The following KCNT2 variants were observed in gnomAD, a reference collection of about 807,000 sequenced individuals.
KCNT2 encodes potassium sodium-activated channel subfamily T member 2.
In KCNT2, 67 loss-of-function variants were observed where a neutral mutation model predicts 153.8. The ratio of observed to expected loss-of-function variants is 0.44; its 90% confidence interval spans 0.36 to 0.53. The LOEUF is 0.53. KCNT2 is among the 20% of genes least tolerant of loss of function. KCNT2 has a pLI of 0.00. For missense variants in KCNT2, 975 were observed against 1,354.8 expected (o/e 0.72, Z 4.40); for synonymous variants, 500 against 458.8 (o/e 1.09, Z -1.15).
intron 12 of KCNT2, among the ~76,000 whole-genome samples, chr1:196,408,889 T>G (rs1250025224): frequency 6.6e-6 from 1 of 151,594 alleles, no homozygotes; most frequent in Non-Finnish European, 1.5e-5. Context: ...AAGCTGGTGA[T>G]AGTGTGTTCA....
intron 25 of KCNT2, among the ~76,000 whole-genome samples, chr1:196,265,374 T>C (rs2147806837): frequency 6.6e-6 from 1 of 152,328 alleles, no homozygotes; most frequent in Non-Finnish European, 1.5e-5. Context: ...TTAAATGAAC[T>C]TAATGCCTGG....
chr1:196,558,701 G>C (rs1320499561), intron 1 of KCNT2, among the ~76,000 whole-genome samples: 1 of 151,444 alleles, frequency 6.6e-6, no homozygotes, highest in Non-Finnish European at 1.5e-5. Flanking sequence ...GTGTTTTCCT[G>C]AAGGGATTCT....
intron 13 of KCNT2, among the ~76,000 whole-genome samples, chr1:196,373,455 G>A (rs1210698543): frequency 6.6e-6 from 1 of 151,816 alleles, no homozygotes; most frequent in Admixed American, 6.6e-5. Flanking sequence ...TGGCTTGGGG[G>A]TCACTCCTGT....
At chr1:196,327,705 C>T (rs1209904444) in intron 18 of KCNT2, among the ~76,000 whole-genome samples, 3 of 148,776 alleles carry the variant, frequency 2.0e-5, no homozygotes, top group Non-Finnish European at 4.4e-5. Flanking sequence ...TCACTCCTGC[C>T]GCCCAGGCTG....
rs560374978 is a variant in KCNT2 at position 196,515,451 on chromosome 1, A to G, written c.96-23110T>C. The stretch of plus-strand genomic sequence containing the variant: ...ATATGCATATTTCATTTGTACTTTC[A>G]TAAAAATTAGCAAGCATTGACTTAA... On this transcript the variant is annotated intron_variant, in intron 1 of 27. Transcript: ENST00000294725. Among the ~76,000 whole-genome samples the G allele has an allele frequency of 4.3e-5, 6 of 139,100 alleles. No individual in the cohort carries two copies. In the East Asian group the frequency reaches 9.6e-4, roughly 22 times the overall value. The allele number at this position is 139,100 out of a possible 152,430, so 91.3% of individuals were successfully genotyped here. A position where few individuals can be genotyped will look rare whatever the true frequency, so the allele number is the denominator to read the frequency against.
intron 13 of KCNT2, among the ~76,000 whole-genome samples, chr1:196,375,275 T>C (rs1668861354): frequency 6.6e-6 from 1 of 151,780 alleles, no homozygotes; most frequent in Admixed American, 6.6e-5. Context: ...CATGTGTCTT[T>C]TTTCTACATT....
chr1:196,264,305 T>C (rs1657311395), intron 25 of KCNT2, among the ~76,000 whole-genome samples: 2 of 152,224 alleles, frequency 1.3e-5, no homozygotes, highest in South Asian at 4.1e-4. Flanking sequence ...TTGTTTTTAA[T>C]GGTTTGTCTT....
Position 196,540,052 on chromosome 1 carries a change from T to C in KCNT2, c.96-47711A>G, listed in dbSNP as rs148432560. ...TAAAGTGAATTAAAATGCGTTGCCT[T>C]AGTTGAATTCCATTTTTAAGGGTAG... On this transcript the variant is annotated intron_variant, in intron 1 of 27. Coordinates refer to ENST00000294725, the MANE Select transcript of KCNT2 (RefSeq NM_198503.5). 9.2e-5 allele frequency among the ~76,000 whole-genome samples: 14 copies of C among 152,240 alleles called. 1 individual carries two copies. Among genetic ancestry groups the C allele is most frequent in the African/African-American group, 3.4e-4 (14 of 41,578 alleles).
chr1:196,550,508 C>A (rs1233974775), intron 1 of KCNT2, among the ~76,000 whole-genome samples: 1 of 151,794 alleles, frequency 6.6e-6, no homozygotes, highest in Non-Finnish European at 1.5e-5. Flanking sequence ...ATGATTATCA[C>A]AATCAAGAAA....
chr1:196,513,168 C>T (rs773766895), intron 1 of KCNT2, among the ~76,000 whole-genome samples: 30 of 152,090 alleles, frequency 2.0e-4, no homozygotes, highest in African/African-American at 6.0e-4. Context: ...TCTTAAAGTT[C>T]GATTAAACCT....
At chr1:196,273,055 T>C (rs927574150) in intron 25 of KCNT2, among the ~76,000 whole-genome samples, 3 of 151,874 alleles carry the variant, frequency 2.0e-5, no homozygotes, top group Non-Finnish European at 2.9e-5. Flanking sequence ...ATCTATAACC[T>C]TTTATGTCTA....
chr1:196,351,665 C>T (rs925119391), intron 14 of KCNT2, among the ~76,000 whole-genome samples: 6 of 152,050 alleles, frequency 3.9e-5, no homozygotes, highest in Non-Finnish European at 7.4e-5. Flanking sequence ...GACAATTTGA[C>T]TTCCTCTTTT....
chr1:196,230,022 C>G (rs561283562), intron 27 of KCNT2, among the ~76,000 whole-genome samples: 1 of 152,008 alleles, frequency 6.6e-6, no homozygotes, highest in Non-Finnish European at 1.5e-5. Context: ...TCAAAAAAAT[C>G]AAACTATTAA....
At chr1:196,534,000 G>A (rs1052846762) in intron 1 of KCNT2, among the ~76,000 whole-genome samples, 1 of 151,680 alleles carries the variant, frequency 6.6e-6, no homozygotes, top group Non-Finnish European at 1.5e-5. Context: ...ATTTAAAATT[G>A]GCTTTTATTC....
intron 5 of KCNT2, among the ~76,000 whole-genome samples, chr1:196,475,287 C>T (rs184841229): frequency 1.5e-4 from 23 of 152,064 alleles, no homozygotes; most frequent in Admixed American, 1.5e-3. Flanking sequence ...ATACAATATC[C>T]ATTTCTGTGT....
rs982939639 is a variant in KCNT2, at chr1:196,268,289, G to A, written c.2911-9795C>T. Among the ~76,000 whole-genome samples the A allele has an allele frequency of 5.3e-5, 8 of 152,258 alleles. No homozygotes were observed. In the East Asian group the frequency reaches 7.7e-4, roughly 15 times the overall value. ...CAAAATAATAATCAAGGTCACACAT[G>A]TCTTTACACATACATATACACCTAC... On this transcript the variant is annotated intron_variant, in intron 25 of 27. Transcript: ENST00000294725.
chr1:196,333,985 C>T lies in KCNT2; in HGVS notation c.1859G>A (p.Gly620Glu), dbSNP rs1411407786. ...GCTAGGTCTTCTTATTTCTTTGCTT[C>T]CCTCTGTAGGAAGAGACAGGGTAGG... ...SGPTLSLPTE[G>E]SKEIRRPSIA... Residue 620 changes from glycine to glutamate, a missense_variant, in exon 17 of 28, where the codon GGA becomes GAA. This residue lies in a region of KCNT2 where 325 missense variants were observed against 388.1 expected (regional missense o/e 0.84). Coordinates refer to ENST00000294725, the MANE Select transcript of KCNT2 (RefSeq NM_198503.5). 1 of 1,613,326 alleles carries T rather than the reference C, an allele frequency of 6.2e-7. No individual in the cohort carries two copies. Among genetic ancestry groups the T allele is most frequent in the Non-Finnish European group, 8.5e-7 (1 of 1,179,664 alleles).
intron 26 of KCNT2, among the ~76,000 whole-genome samples, chr1:196,242,329 G>A (rs143209352): frequency 6.6e-6 from 1 of 152,056 alleles, no homozygotes; most frequent in East Asian, 1.9e-4. Context: ...ATCTGAAAAT[G>A]TAAAATCAAG....
In KCNT2 at chr1:196,280,869, A is replaced by G; in HGVS notation, c.2901T>C (p.Thr967=). 1.2e-6 allele frequency: 2 copies of G among 1,611,804 alleles called. No homozygotes were observed. The highest frequency in any genetic ancestry group is 2.2e-5 in the South Asian group (2 of 91,044). The change falls in exon 25 of 28, where the codon ACT becomes ACC. Residue 967 remains threonine (T), a synonymous_variant. Transcript: ENST00000294725. ...TTTGTTATTTCCAAACCTCAGATGT[A>G]GTAAGTTTCTGAGACTCAGTCCTGT... ...GIYRTESQKL[T]TSESQISISV...
Sources: allele counts gnomAD v4.1 joint callset (sites outside exome capture counted in the v4.1 genomes callset), GRCh38; gene constraint gnomAD v4.1.1; regional missense constraint gnomAD v4.1.1; transcripts MANE v1.5; gene names NCBI Gene and HGNC (gene_info 2026-07-23, HGNC 2026-07-21).